Variants in NPR2 observed in about 807,000 individuals in gnomAD.
The protein encoded by NPR2 is atrial natriuretic peptide receptor 2.
Under a neutral mutation model 120.7 loss-of-function variants are expected in NPR2, and 49 were observed. That is an observed-to-expected ratio of 0.41 (90% CI 0.32 to 0.52). The LOEUF (loss-of-function observed/expected upper bound fraction) is 0.52. Among genes scored for constraint, NPR2 ranks in the 20% least tolerant of loss-of-function variants. NPR2 has a pLI of 0.36. For missense variants in NPR2, 931 were observed against 1,362.9 expected (o/e 0.68, Z 4.99); for synonymous variants, 484 against 519.8 (o/e 0.93, Z 0.94).
chr9:35,808,042 G>T lies in NPR2; in HGVS notation c.2713-467G>T. The T allele has an allele frequency of 2.8e-6, 2 of 714,498 alleles. No homozygotes were observed. Among genetic ancestry groups the T allele is most frequent in the South Asian group, 1.7e-5 (1 of 59,058 alleles). The allele number at this position is 714,498 out of a possible 1,614,324, so 44.3% of individuals were successfully genotyped here. On this transcript the variant is annotated intron_variant, in intron 18 of 21. Transcript: ENST00000342694. The surrounding 1 kb of genome is among the most constrained non-coding windows in gnomAD (Gnocchi z 4.0). The stretch of plus-strand genomic sequence containing the variant: ...GTGTATTTCCTAAAAACTTCACTGT[G>T]TATTTCCTTAAAACAATGGCATTTA...
chr9:35,792,577 G>A lies in NPR2; in HGVS notation c.169G>A (p.Gly57Ser), dbSNP rs1458860778. ...TGTGGCACTAGCTGTGGAGGCTCTG[G>A]GCCGGGCACTGCCCGTGGACCTGCG... is the stretch of plus-strand genomic sequence containing the variant. ...PAVALAVEAL[G>S]RALPVDLRFV... is the part of the protein sequence containing the mutation. Residue 57 changes from glycine (G) to serine (S), a missense_variant, in exon 1 of 22, where the codon GGC becomes AGC. Physicochemically the swap from Gly to Ser is moderately conservative, Grantham distance 56 (BLOSUM62 0). Around this residue, in one of 3 missense-constraint regions of NPR2, gnomAD observed 681 missense variants for 974.3 expected, o/e 0.70. Coordinates refer to ENST00000342694, the MANE Select transcript of NPR2 (RefSeq NM_003995.4). 1 of 1,612,910 alleles carries A rather than the reference G, an allele frequency of 6.2e-7. No individual in the cohort carries two copies. The highest frequency in any genetic ancestry group is 2.2e-5 in the East Asian group (1 of 44,896).
intron 2 of NPR2, among the ~76,000 whole-genome samples, chr9:35,795,630 G>A (rs1827922909): frequency 6.6e-6 from 1 of 152,210 alleles, no homozygotes; most frequent in African/African-American, 2.4e-5. Context: ...GTCTGTGACT[G>A]TCACACTTGA....
chr9:35,802,557 C>A lies in NPR2; in HGVS notation c.1765C>A (p.Pro589Thr). 6.2e-7 allele frequency: 1 copy of A among 1,609,496 alleles called. No individual in the cohort carries two copies. The highest frequency in any genetic ancestry group is 1.3e-5 in the African/African-American group (1 of 74,894). Residue 589 changes from proline to threonine, a missense_variant, in exon 11 of 22, where the codon CCT (proline) becomes ACT (threonine). By Grantham distance (38) the Pro-to-Thr change is conservative. Transcript: ENST00000342694. The surrounding 1 kb of genome is among the most constrained non-coding windows in gnomAD (Gnocchi z 4.2). Reference protein sequence around the residue: ...LTRFIGACIDPPNICIVTEYC... With the variant: ...LTRFIGACIDTPNICIVTEYC... ...TCGCTTCATTGGCGCCTGCATAGACCCTCCCAACATTTGCATTGTCACTGA... is the reference window on the plus strand; with the variant it reads ...TCGCTTCATTGGCGCCTGCATAGACACTCCCAACATTTGCATTGTCACTGA...
At chr9:35,798,080 T>C (rs543796737) in intron 2 of NPR2, among the ~76,000 whole-genome samples, 3 of 152,244 alleles carry the variant, frequency 2.0e-5, no homozygotes, top group African/African-American at 7.2e-5. Flanking sequence ...TAATAATTTT[T>C]AAGAGTATAA....
Position 35,793,058 on chromosome 9 carries a change from T to C in NPR2, c.650T>C (p.Ile217Thr). 6.2e-7 allele frequency: 1 copy of C among 1,600,634 alleles called. No homozygotes were observed. The highest frequency in any genetic ancestry group is 8.5e-7 in the Non-Finnish European group (1 of 1,174,458). Residue 217 changes from isoleucine to threonine, a missense_variant, in exon 1 of 22, where the codon ATC becomes ACC. Ile to Thr is a moderately conservative substitution (Grantham distance 89). Around this residue, in one of 3 missense-constraint regions of NPR2, gnomAD observed 681 missense variants for 974.3 expected, o/e 0.70. Coordinates refer to ENST00000342694, the MANE Select transcript of NPR2 (RefSeq NM_003995.4). ...GGCCCCGAGCAGGCCACCCACTTCA[T>C]CCGGGCCAACGGGCGCAGTGAGTGT... The part of the protein sequence containing the change: ...PGGPEQATHF[I>T]RANGRIVYIC...
intron 12 of NPR2, among the ~76,000 whole-genome samples, chr9:35,804,760 G>T (rs111751843): frequency 7.0e-6 from 1 of 142,494 alleles, no homozygotes; most frequent in Non-Finnish European, 1.5e-5. Context: ...CCTCTACCCC[G>T]ACCTGCCCAC....
chr9:35,805,477 G>C lies in NPR2; in HGVS notation c.1888-34G>C. ...AGAGAGGGTATTCTAAGCCAGATAT[G>C]ATCCAATCCCATGACTTGATCTGTA... On this transcript the variant is annotated intron_variant, in intron 12 of 21. Transcript: ENST00000342694. This position sits in a 1 kb window ranked among gnomAD's most constrained non-coding sequence, Gnocchi z 4.9. The C allele has an allele frequency of 6.2e-7, 1 of 1,611,504 alleles. No homozygotes were observed. Among genetic ancestry groups the C allele is most frequent in the Non-Finnish European group, 8.5e-7 (1 of 1,177,592 alleles).
Position 35,808,910 on chromosome 9 carries a change from C to A in NPR2, c.2986+57C>A. 8.9e-7 allele frequency: 1 copy of A among 1,123,158 alleles called. No homozygotes were observed. Among genetic ancestry groups the A allele is most frequent in the Non-Finnish European group, 1.4e-6 (1 of 732,010 alleles). 69.6% of individuals were successfully genotyped at this position (1,123,158 alleles called of 1,614,324 possible). On this transcript the variant is annotated intron_variant, in intron 20 of 21. Transcript: ENST00000342694. This position sits in a 1 kb window ranked among gnomAD's most constrained non-coding sequence, Gnocchi z 4.0. ...CCTCAATTTATCTTGCCCTTTTCTT[C>A]TTTTCATAATCCCTCCAATTTCTTA...
chr9:35,809,105 C>T lies in NPR2; in HGVS notation c.2987-51C>T, dbSNP rs773074622. On this transcript the variant is annotated intron_variant, in intron 20 of 21. Coordinates refer to ENST00000342694, the MANE Select transcript of NPR2 (RefSeq NM_003995.4). The surrounding 1 kb of genome is among the most constrained non-coding windows in gnomAD (Gnocchi z 4.1). ...TACAGTATCACCAATTATTTGATTG[C>T]CTTTTCTTTGATTCCTCATTCCACC... 1 of 1,505,636 alleles carries T rather than the reference C, an allele frequency of 6.6e-7. No individual in the cohort carries two copies. Among genetic ancestry groups the T allele is most frequent in the Non-Finnish European group, 9.2e-7 (1 of 1,082,082 alleles). 93.3% of individuals were successfully genotyped at this position (1,505,636 alleles called of 1,614,324 possible). A position where few individuals can be genotyped will look rare whatever the true frequency, so the allele number is the denominator to read the frequency against.
chr9:35,805,132 A>T lies in NPR2; in HGVS notation c.1888-379A>T, dbSNP rs1828316942. ...CTGGGTCTCAAGTCATGTCTTCCTA[A>T]TTAGTAGCCAGGTATCTGAGGCCAC... On this transcript the variant is annotated intron_variant, in intron 12 of 21. Coordinates refer to ENST00000342694, the MANE Select transcript of NPR2 (RefSeq NM_003995.4). The surrounding 1 kb of genome is among the most constrained non-coding windows in gnomAD (Gnocchi z 4.9). 6.6e-6 allele frequency among the ~76,000 whole-genome samples: 1 copy of T among 152,208 alleles called. No homozygotes were observed. Among genetic ancestry groups the T allele is most frequent in the African/African-American group, 2.4e-5 (1 of 41,450 alleles).
chr9:35,793,732 G>C (rs1391541801), intron 1 of NPR2, among the ~76,000 whole-genome samples, 166 bp from the exon 2 acceptor site: 2 of 152,068 alleles, frequency 1.3e-5, no homozygotes, highest in African/African-American at 4.8e-5. Context: ...GGGTACTTAT[G>C]GTGGACTCCA....
Position 35,801,113 on chromosome 9 carries a change from C to T in NPR2, c.1395C>T (p.Ile465=). 1 of 1,614,152 alleles carries T rather than the reference C, an allele frequency of 6.2e-7. No homozygotes were observed. The highest frequency in any genetic ancestry group is 8.5e-7 in the Non-Finnish European group (1 of 1,179,982). The stretch of plus-strand genomic sequence containing the variant: ...CAATTGTGGCTCTGGGCACAGGAAT[C>T]ACCTTCATCATGTTTGGTGTTTCCA... ...TLAIVALGTG[I]TFIMFGVSSF... The change falls in exon 7 of 22, where the codon ATC becomes ATT. Residue 465 remains isoleucine (I), a synonymous_variant. Coordinates refer to ENST00000342694, the MANE Select transcript of NPR2 (RefSeq NM_003995.4).
intron 2 of NPR2, among the ~76,000 whole-genome samples, chr9:35,796,666 G>C (rs1441465503): frequency 1.3e-5 from 2 of 152,184 alleles, no homozygotes; most frequent in Non-Finnish European, 2.9e-5. Flanking sequence ...GAAATAAAGA[G>C]GGAATCTTTG....
chr9:35,794,149 C>T (rs779694990), intron 2 of NPR2, 46 bp downstream of exon 2: 21 of 1,560,140 alleles, frequency 1.3e-5, no homozygotes, highest in East Asian at 4.6e-5. Flanking sequence ...AGAGGTGCTT[C>T]GCTGGAAATT....
In NPR2 at chr9:35,792,345, C is replaced by T. The variant is rs1827807645; in HGVS notation, c.-64C>T. The T allele has an allele frequency of 5.2e-6, 8 of 1,537,756 alleles. No individual in the cohort carries two copies. In the South Asian group the frequency reaches 9.6e-5, roughly 18 times the overall value. ...CAGGCTCCAGGCTGGGGGGTGCTCG[C>T]GTCTCCCCTGTAGGCCAGAGCAGCC... is the stretch of plus-strand genomic sequence containing the variant. On this transcript the variant is annotated 5_prime_UTR_variant, in exon 1 of 22. Coordinates refer to ENST00000342694, the MANE Select transcript of NPR2 (RefSeq NM_003995.4).
At chr9:35,807,276 T>A (rs1828449426) in intron 17 of NPR2, 54 bp from the exon 18 acceptor site, 1 of 1,536,202 alleles carries the variant, frequency 6.5e-7, no homozygotes, top group Non-Finnish European at 9.0e-7. Context: ...GGGTTAAGAA[T>A]TCTTAGAAAA....
rs530738731 is a variant in NPR2 at position 35,794,708 on chromosome 9, T to A, written c.873+605T>A. Among the ~76,000 whole-genome samples, 23 of 152,258 alleles carry A rather than the reference T, an allele frequency of 1.5e-4. 1 individual carries two copies. Among genetic ancestry groups the A allele is most frequent in the Middle Eastern group, 3.4e-3 (1 of 294 alleles). ...CGTGTTTGAGAGACCAAGAAGATAC[T>A]GACCCGACAAGAATGAGGGGTTCAC... On this transcript the variant is annotated intron_variant, in intron 2 of 21. Transcript: ENST00000342694.
chr9:35,807,407 TG>T lies in NPR2; in HGVS notation c.2712+13del. On this transcript the variant is annotated intron_variant, in intron 18 of 21. Transcript: ENST00000342694. ...ACTTTGATGTCTACAAGGTGAGAGC[TG>T]GGGCCGCTGTTCAATAGAAGACCCT... 9.3e-7 allele frequency: 1 copy of T among 1,079,664 alleles called. No individual in the cohort carries two copies. Among genetic ancestry groups the T allele is most frequent in the South Asian group, 1.6e-5 (1 of 62,528 alleles). The allele number at this position is 1,079,664 out of a possible 1,614,324, so 66.9% of individuals were successfully genotyped here. A position where few individuals can be genotyped will look rare whatever the true frequency, so the allele number is the denominator to read the frequency against.
At position 35,805,625 on chromosome 9, in the gene NPR2, T is replaced by C. The variant is rs752945073; in HGVS notation, c.2002T>C (p.Phe668Leu). 3 of 1,614,164 alleles carry C rather than the reference T, an allele frequency of 1.9e-6. No homozygotes were observed. Among genetic ancestry groups the C allele is most frequent in the Middle Eastern group, 1.7e-4 (1 of 6,030 alleles). ...AATCACAGACTATGGCCTGGCCAGC[T>C]TCCGATCAACTGCTGAACCTGATGA... ...LKITDYGLAS[F>L]RSTAEPDDSH... Residue 668 changes from phenylalanine to leucine, a missense_variant, in exon 13 of 22, where the codon TTC becomes CTC. Coordinates refer to ENST00000342694, the MANE Select transcript of NPR2 (RefSeq NM_003995.4). The surrounding 1 kb of genome is among the most constrained non-coding windows in gnomAD (Gnocchi z 4.9).
Sources: gnomAD v4.1 joint callset for allele counts (sites outside exome capture counted in the v4.1 genomes callset) on GRCh38, gnomAD v4.1.1 for gene constraint, gnomAD v4.1.1 regional missense constraint, Gnocchi (gnomAD v3.1) non-coding constraint, MANE v1.5 for transcripts, NCBI Gene and HGNC (gene_info 2026-07-23, HGNC 2026-07-21) for gene names.